SLC25A25: variants seen among roughly 807,000 people sequenced by gnomAD.
The protein encoded by SLC25A25 is solute carrier family 25 member 25.
A neutral mutation model predicts 57.7 loss-of-function variants in SLC25A25; 32 were observed. That is an observed-to-expected ratio of 0.55 (90% CI 0.42 to 0.74). SLC25A25 has a LOEUF of 0.74. Among genes scored for constraint, SLC25A25 ranks in the 30% least tolerant of loss-of-function variants. The probability of loss-of-function intolerance (pLI) is 0.00; values close to 1 mark genes in which losing one functional copy is unlikely to be tolerated. For synonymous variants in SLC25A25, 306 were observed against 291.2 expected, an observed-to-expected ratio of 1.05 and a Z score of -0.52; for missense variants, 556 against 701.3, an observed-to-expected ratio of 0.79 and a Z score of 2.34.
At chr9:128,085,502 A>G (rs1833255452) in intron 1 of SLC25A25, among the ~76,000 whole-genome samples, 1 of 152,204 alleles carries the variant, frequency 6.6e-6, no homozygotes, top group Admixed American at 6.5e-5. Context: ...ACATATAGGC[A>G]AGGTATTCAA....
At chr9:128,079,695 T>TA (rs1175023276) in intron 1 of SLC25A25, among the ~76,000 whole-genome samples, 11 of 141,178 alleles carry the variant, frequency 7.8e-5, no homozygotes, top group South Asian at 2.2e-4. Context: ...GAGAATTGCT[T>TA]AAAAAACCCA....
chr9:128,087,974 T>C (rs375287553), intron 1 of SLC25A25, among the ~76,000 whole-genome samples: 1 of 152,260 alleles, frequency 6.6e-6, no homozygotes, highest in African/African-American at 2.4e-5. Context: ...CCCTGTGTAC[T>C]AAGTCTATCA....
chr9:128,094,750 G>A (rs981861333), intron 1 of SLC25A25, among the ~76,000 whole-genome samples: 1 of 152,158 alleles, frequency 6.6e-6, no homozygotes, highest in Non-Finnish European at 1.5e-5. Flanking sequence ...CTTTCTTCTG[G>A]CATGTAACAT....
chr9:128,102,965 G>T lies in SLC25A25; in HGVS notation c.624+484G>T, dbSNP rs1388223693. Among the ~76,000 whole-genome samples the T allele has an allele frequency of 6.6e-6, 1 of 152,198 alleles. No homozygotes were observed. The highest frequency in any genetic ancestry group is 1.5e-5 in the Non-Finnish European group (1 of 68,034). On this transcript the variant is annotated intron_variant, in intron 5 of 10. Coordinates refer to ENST00000373069, the MANE Select transcript of SLC25A25 (RefSeq NM_001330988.2). This position sits in a 1 kb window ranked among gnomAD's most constrained non-coding sequence, Gnocchi z 4.1. ...TGTTCAGAAATGTGAGTCTGTGCTG[G>T]TCTCTGCCCCGAGCCCTTCATGCTT...
chr9:128,098,794 A>T lies in SLC25A25; in HGVS notation c.262-2302A>T, dbSNP rs541869510. The T allele has an allele frequency of 2.5e-6, 4 of 1,569,790 alleles. No homozygotes were observed. The South Asian group carries it at 3.5e-5, about 14-fold the overall frequency. On this transcript the variant is annotated intron_variant, in intron 1 of 10. Transcript: ENST00000373069. ...GTATTTGTTGAGTGAATGGCTGAGC[A>T]TGCATGAACCATCCCCCACTGAGAG...
chr9:128,071,473 T>C lies in SLC25A25; in HGVS notation c.261+2893T>C, dbSNP rs1355436772. Among the ~76,000 whole-genome samples, 3 of 152,162 alleles carry C rather than the reference T, an allele frequency of 2.0e-5. No homozygotes were observed. In the East Asian group the frequency reaches 5.8e-4, roughly 29 times the overall value. Reference sequence around the variant, plus strand: ...CCCAAGCAGGAGTGCAATGGAATGATCTCAGCTCACTGCAACCTTTGCCTC... The same window carrying C: ...CCCAAGCAGGAGTGCAATGGAATGACCTCAGCTCACTGCAACCTTTGCCTC... On this transcript the variant is annotated intron_variant, in intron 1 of 10. Transcript: ENST00000373069.
Position 128,102,259 on chromosome 9 carries a change from C to T in SLC25A25, c.513-111C>T, listed in dbSNP as rs759166330. On this transcript the variant is annotated intron_variant, in intron 4 of 10. Transcript: ENST00000373069. The surrounding 1 kb of genome is among the most constrained non-coding windows in gnomAD (Gnocchi z 4.1). ...CTTTCTCCTGGGGGCAGAGGCACCT[C>T]GTGTGGTTTCTGGGCATCCGAATGC... is the stretch of plus-strand genomic sequence containing the variant. 35 of 1,400,634 alleles carry T rather than the reference C, an allele frequency of 2.5e-5. No individual in the cohort carries two copies. Among genetic ancestry groups the T allele is most frequent in the Non-Finnish European group, 3.2e-5 (32 of 1,008,066 alleles). 86.8% of individuals were successfully genotyped at this position (1,400,634 alleles called of 1,614,324 possible). A position where few individuals can be genotyped will look rare whatever the true frequency, so the allele number is the denominator to read the frequency against.
At chr9:128,080,250 C>CAA (rs67092008) in intron 1 of SLC25A25, among the ~76,000 whole-genome samples, 1 of 140,812 alleles carries the variant, frequency 7.1e-6, no homozygotes, top group Non-Finnish European at 1.5e-5. Context: ...AACAAAAAAA[C>CAA]AAAAAAAAAA....
chr9:128,102,480 C>T lies in SLC25A25; in HGVS notation c.623C>T (p.Thr208Met), dbSNP rs747459916. 5 of 1,612,562 alleles carry T rather than the reference C, an allele frequency of 3.1e-6. No homozygotes were observed. The highest frequency in any genetic ancestry group is 4.2e-6 in the Non-Finnish European group (5 of 1,178,904). ...PEIILYWKHS[T>M]IFDVGENLTV... is the part of the protein sequence containing the mutation. ...ATCATCCTCTACTGGAAGCATTCCA[C>T]GGTGAGCCCCACGTGCCCAGGGCCC... Residue 208 changes from threonine (T) to methionine (M), a missense_variant and splice_region_variant, in exon 5 of 11, where the codon ACG becomes ATG. Thr to Met is a moderately conservative substitution (Grantham distance 81). This residue lies in a region of SLC25A25 where 14 missense variants were observed against 38.2 expected (regional missense o/e 0.37). Coordinates refer to ENST00000373069, the MANE Select transcript of SLC25A25 (RefSeq NM_001330988.2). The surrounding 1 kb of genome is among the most constrained non-coding windows in gnomAD (Gnocchi z 4.1).
At chr9:128,098,564 A>G in intron 1 of SLC25A25, 1 of 1,611,008 alleles carries the variant, frequency 6.2e-7, no homozygotes, top group Non-Finnish European at 8.5e-7. Context: ...GCAGGCCGCC[A>G]ACATGCTCTG....
In SLC25A25 at chr9:128,107,316, C is replaced by T. The variant is rs374458248; in HGVS notation, c.1420C>T (p.Arg474Trp). 219 of 1,555,322 alleles carry T rather than the reference C, an allele frequency of 1.4e-4. No homozygotes were observed. Among genetic ancestry groups the T allele is most frequent in the African/African-American group, 1.8e-4 (13 of 73,644 alleles). ...TMSSLFKHIL[R>W]TEGAFGLYRG... ...GAGCAGCCTCTTCAAACATATCCTG[C>T]GGACCGAGGGGGCCTTCGGGCTGTA... is the stretch of plus-strand genomic sequence containing the variant. Residue 474 changes from arginine to tryptophan, a missense_variant, in exon 11 of 11, where the codon CGG (arginine) becomes TGG (tryptophan). Transcript: ENST00000373069.
intron 1 of SLC25A25, among the ~76,000 whole-genome samples, chr9:128,075,463 G>A (rs747922838): frequency 4.6e-5 from 7 of 151,816 alleles, no homozygotes; most frequent in African/African-American, 1.5e-4. Context: ...TGGGTGGATC[G>A]CTTGAGCTCA....
intron 1 of SLC25A25, among the ~76,000 whole-genome samples, chr9:128,079,638 C>T (rs7851605): frequency 0.22 from 30,467 of 140,678 alleles, 4,516 homozygotes; most frequent in African/African-American, 0.4. Flanking sequence ...TTAGCCGGGC[C>T]TGGTGGCGCA....
At chr9:128,082,119 A>G (rs1355718951) in intron 1 of SLC25A25, among the ~76,000 whole-genome samples, 1 of 152,216 alleles carries the variant, frequency 6.6e-6, no homozygotes, top group East Asian at 1.9e-4. Context: ...GCTTTTCACC[A>G]GGAGTAAACA....
intron 1 of SLC25A25, among the ~76,000 whole-genome samples, chr9:128,070,840 C>G (rs1368684680): frequency 6.6e-6 from 1 of 150,966 alleles, no homozygotes; most frequent in African/African-American, 2.4e-5. Flanking sequence ...AATTCCAGTA[C>G]TCGGGAGGCT....
At chr9:128,068,808 T>G (rs1191886483) in intron 1 of SLC25A25, among the ~76,000 whole-genome samples, 1 of 152,232 alleles carries the variant, frequency 6.6e-6, no homozygotes, top group African/African-American at 2.4e-5. Flanking sequence ...GTGGGCATCC[T>G]ATGGGCTTTC....
Position 128,105,865 on chromosome 9 carries a change from T to C in SLC25A25, c.920T>C (p.Phe307Ser). The C allele has an allele frequency of 6.2e-7, 1 of 1,614,122 alleles. No homozygotes were observed. Among genetic ancestry groups the C allele is most frequent in the Non-Finnish European group, 8.5e-7 (1 of 1,180,032 alleles). ...LKIAPESAIK[F>S]MAYEQIKRLV... ...ATTGCCCCCGAATCAGCCATCAAAT[T>C]CATGGCCTATGAGCAGGTGAGGACC... is the stretch of plus-strand genomic sequence containing the variant. Residue 307 changes from phenylalanine (F) to serine (S), a missense_variant, in exon 7 of 11, where the codon TTC becomes TCC. Transcript: ENST00000373069.
intron 1 of SLC25A25, among the ~76,000 whole-genome samples, chr9:128,070,905 G>T (rs1481751070): frequency 7.4e-6 from 1 of 135,694 alleles, no homozygotes; most frequent in African/African-American, 2.8e-5. Flanking sequence ...AGCTGAGATT[G>T]CACCATTGCA....
At chr9:128,072,503 T>G (rs1832928971) in intron 1 of SLC25A25, among the ~76,000 whole-genome samples, 1 of 152,262 alleles carries the variant, frequency 6.6e-6, no homozygotes, top group Non-Finnish European at 1.5e-5. Flanking sequence ...ACAAAGCCTC[T>G]TCTTAGCTTA....
Sources: allele counts gnomAD v4.1 joint callset (sites outside exome capture counted in the v4.1 genomes callset), GRCh38; gene constraint gnomAD v4.1.1; regional missense constraint gnomAD v4.1.1; non-coding constraint Gnocchi (gnomAD v3.1); transcripts MANE v1.5; gene names NCBI Gene and HGNC (gene_info 2026-07-23, HGNC 2026-07-21).